Variants in SEL1L observed in about 807,000 individuals in gnomAD.
The protein encoded by SEL1L is protein sel-1 homolog 1.
Under a neutral mutation model 109.8 loss-of-function variants are expected in SEL1L, and 52 were observed. The observed-to-expected ratio is 0.47, with a 90% CI of 0.38 to 0.60. The LOEUF is 0.60. Among genes scored for constraint, SEL1L ranks in the 20% least tolerant of loss-of-function variants. The pLI, the probability that SEL1L is intolerant of heterozygous loss-of-function variation, is 0.00. For missense variants in SEL1L, 749 were observed against 962.2 expected, an observed-to-expected ratio of 0.78 and a Z score of 2.93; for synonymous variants, 373 against 339.6, an observed-to-expected ratio of 1.10 and a Z score of -1.08.
At position 81,504,185 on chromosome 14, in the gene SEL1L, T is replaced by C. The variant is rs763705451; in HGVS notation, c.614+16A>G. The C allele has an allele frequency of 8.6e-6, 13 of 1,507,166 alleles. No individual in the cohort carries two copies. The African/African-American group carries it at 1.5e-4, about 18-fold the overall frequency. The allele number at this position is 1,507,166 out of a possible 1,614,324, so 93.4% of individuals were successfully genotyped here. On this transcript the variant is annotated intron_variant, in intron 5 of 20. Coordinates refer to ENST00000336735, the MANE Select transcript of SEL1L (RefSeq NM_005065.6). ...GCCTGTCATGGGGGAAAAGTGGACT[T>C]AGCAGTGCTACCTACTCTCTTTTTT...
intron 3 of SEL1L, among the ~76,000 whole-genome samples, chr14:81,521,785 C>T (rs1884915716): frequency 1.3e-5 from 2 of 152,086 alleles, no homozygotes; most frequent in Admixed American, 1.3e-4. Context: ...AGCATGTACT[C>T]CTACTTATTA....
intron 10 of SEL1L, among the ~76,000 whole-genome samples, chr14:81,497,038 G>A (rs79725209): frequency 0.032 from 4,885 of 152,248 alleles, 110 homozygotes; most frequent in Non-Finnish European, 0.049. Flanking sequence ...GGCAAGAAAG[G>A]AGAGAAGAGT....
chr14:81,519,694 A>C (rs1220949386), intron 3 of SEL1L, among the ~76,000 whole-genome samples: 1 of 152,014 alleles, frequency 6.6e-6, no homozygotes, highest in Non-Finnish European at 1.5e-5. Context: ...GCCAGATAGG[A>C]AGCTCTTACA....
At chr14:81,517,083 G>A (rs541314035) in intron 3 of SEL1L, among the ~76,000 whole-genome samples, 1 of 152,306 alleles carries the variant, frequency 6.6e-6, no homozygotes. Context: ...AAAGCGTTAA[G>A]AAGAGGAAGG....
In SEL1L at chr14:81,476,247, A is replaced by C. The variant is rs1415785070; in HGVS notation, c.*725T>G. The C allele has an allele frequency of 1.3e-5, 2 of 152,238 alleles. No homozygotes were observed. Among genetic ancestry groups the C allele is most frequent in the Non-Finnish European group, 2.9e-5 (2 of 68,046 alleles). The allele number at this position is 152,238 out of a possible 1,614,324, so 9.4% of individuals were successfully genotyped here. A position where few individuals can be genotyped will look rare whatever the true frequency, so the allele number is the denominator to read the frequency against. ...CAAACTCGCGTTAGTGCAAGGAGTC[A>C]GTTCACAAGGTTTTGCATAAGTATA... On this transcript the variant is annotated 3_prime_UTR_variant, in exon 21 of 21. Transcript: ENST00000336735.
chr14:81,522,500 C>T (rs1180096156), intron 3 of SEL1L, among the ~76,000 whole-genome samples: 4 of 152,174 alleles, frequency 2.6e-5, no homozygotes, highest in Admixed American at 1.3e-4. Context: ...GTATTCAATA[C>T]AATAACAAGC....
chr14:81,497,196 GT>G (rs935908112), intron 10 of SEL1L, among the ~76,000 whole-genome samples: 9 of 150,536 alleles, frequency 6.0e-5, no homozygotes, highest in African/African-American at 1.2e-4. Flanking sequence ...GTTTCACTAC[GT>G]TTTTTTTTCC....
chr14:81,524,170 C>G (rs1251651043), intron 3 of SEL1L, among the ~76,000 whole-genome samples: 2 of 152,150 alleles, frequency 1.3e-5, no homozygotes, highest in Non-Finnish European at 2.9e-5. Flanking sequence ...CACCATTTTG[C>G]AACCCCTAAT....
intron 20 of SEL1L, chr14:81,479,407 C>G (rs889557826): frequency 3.4e-5 from 13 of 377,590 alleles, no homozygotes; most frequent in African/African-American, 2.7e-4. Flanking sequence ...GTGTCAAACG[C>G]TACCTAAAAA....
At chr14:81,477,276 A>C in intron 20 of SEL1L, 95 bp from the exon 21 acceptor site, 1 of 1,006,748 alleles carries the variant, frequency 9.9e-7, no homozygotes. Flanking sequence ...CAGAAATTAA[A>C]ATAATTTGTT....
intron 5 of SEL1L, 62 bp downstream of exon 5, chr14:81,504,139 T>A: frequency 1.0e-6 from 1 of 953,204 alleles, no homozygotes; most frequent in Non-Finnish European, 1.5e-6. Flanking sequence ...AAGAATGTAG[T>A]TGCTATTTGT....
intron 3 of SEL1L, among the ~76,000 whole-genome samples, chr14:81,512,176 T>G (rs1884507247): frequency 6.6e-6 from 1 of 152,150 alleles, no homozygotes; most frequent in Non-Finnish European, 1.5e-5. Context: ...GGACTTTGAG[T>G]AAAGCAGATT....
intron 6 of SEL1L, among the ~76,000 whole-genome samples, chr14:81,500,644 A>C (rs1236523225): frequency 6.6e-6 from 1 of 152,216 alleles, no homozygotes; most frequent in Non-Finnish European, 1.5e-5. Context: ...ATGAACAGCC[A>C]TTATGAAGAC....
chr14:81,522,352 T>C (rs1765740084), intron 3 of SEL1L, among the ~76,000 whole-genome samples: 1 of 152,224 alleles, frequency 6.6e-6, no homozygotes, highest in Non-Finnish European at 1.5e-5. Flanking sequence ...CTTCCAGTCC[T>C]GCAAGTTCCA....
At chr14:81,498,823 T>A (rs1032264650) in intron 8 of SEL1L, 17 of 178,114 alleles carry the variant, frequency 9.5e-5, no homozygotes. Flanking sequence ...ATCTTAGACA[T>A]AATTTTATTA....
chr14:81,530,048 A>G (rs1177436787), intron 1 of SEL1L, among the ~76,000 whole-genome samples: 1 of 152,258 alleles, frequency 6.6e-6, no homozygotes, highest in Non-Finnish European at 1.5e-5. Flanking sequence ...TTTGAAAAGG[A>G]CCAGTTTTTA....
At chr14:81,492,388 T>A (rs1032327555) in intron 12 of SEL1L, 92 bp downstream of exon 12, 35 of 935,796 alleles carry the variant, frequency 3.7e-5, no homozygotes, top group Non-Finnish European at 5.2e-5. Flanking sequence ...TTCCAATTTA[T>A]TTTTGGTAAA....
chr14:81,514,922 T>C (rs1266641436), intron 3 of SEL1L, among the ~76,000 whole-genome samples: 2 of 152,160 alleles, frequency 1.3e-5, no homozygotes, highest in Non-Finnish European at 2.9e-5. Context: ...CAGCTTGACC[T>C]TTTCTGTAAG....
rs1276065700 is a variant in SEL1L at position 81,476,222 on chromosome 14, C to A, written c.*750G>T. ...CAAGCAAATTACAGAGTAGGTGGGG[C>A]AAACTCGCGTTAGTGCAAGGAGTCA... On this transcript the variant is annotated 3_prime_UTR_variant, in exon 21 of 21. Transcript: ENST00000336735. 6.6e-6 allele frequency: 1 copy of A among 152,148 alleles called. No homozygotes were observed. The highest frequency in any genetic ancestry group is 6.6e-5 in the Admixed American group (1 of 15,262). The allele number at this position is 152,148 out of a possible 1,614,324, so 9.4% of individuals were successfully genotyped here. A position where few individuals can be genotyped will look rare whatever the true frequency, so the allele number is the denominator to read the frequency against.
Sources: allele counts gnomAD v4.1 joint callset (sites outside exome capture counted in the v4.1 genomes callset), GRCh38; gene constraint gnomAD v4.1.1; transcripts MANE v1.5; gene names NCBI Gene and HGNC (gene_info 2026-07-23, HGNC 2026-07-21).